UBE2E2: variants seen among roughly 807,000 people sequenced by gnomAD.
UBE2E2 encodes the protein ubiquitin-conjugating enzyme E2 E2.
In UBE2E2, 6 loss-of-function variants were observed where a neutral mutation model predicts 24.7. The ratio of observed to expected loss-of-function variants is 0.24; its 90% CI spans 0.13 to 0.48. UBE2E2 has a LOEUF of 0.48. UBE2E2 is among the 20% of genes least tolerant of loss of function. UBE2E2 has a pLI of 0.99. For synonymous variants in UBE2E2, 104 were observed against 83.6 expected (o/e 1.24, Z -1.33); for missense variants, 169 against 245.0 (o/e 0.69, Z 2.07).
chr3:23,221,456 C>T (rs1052867616), intron 3 of UBE2E2, among the ~76,000 whole-genome samples: 6 of 152,124 alleles, frequency 3.9e-5, no homozygotes, highest in Non-Finnish European at 8.8e-5. Flanking sequence ...CCCCATTTTC[C>T]CCCAGCTCTT....
chr3:23,546,038 C>T (rs1438591010), intron 5 of UBE2E2, among the ~76,000 whole-genome samples: 1 of 152,176 alleles, frequency 6.6e-6, no homozygotes, highest in African/African-American at 2.4e-5. Flanking sequence ...GGATAAAAAA[C>T]TATATATTGG....
intron 3 of UBE2E2, among the ~76,000 whole-genome samples, chr3:23,258,028 A>G (rs1455990014): frequency 6.6e-6 from 1 of 152,220 alleles, no homozygotes; most frequent in Non-Finnish European, 1.5e-5. Context: ...GACAATACAT[A>G]TGTAACTATG....
chr3:23,587,658 C>G (rs1696657887), intron 5 of UBE2E2, among the ~76,000 whole-genome samples: 1 of 152,170 alleles, frequency 6.6e-6, no homozygotes, highest in Non-Finnish European at 1.5e-5. Flanking sequence ...ACTTTGGCCC[C>G]TATTACTCTA....
Position 23,238,065 on chromosome 3 carries a change from G to A in UBE2E2, c.227+20753G>A, listed in dbSNP as rs145672462. On this transcript the variant is annotated intron_variant, in intron 3 of 5. Coordinates refer to ENST00000396703, the MANE Select transcript of UBE2E2 (RefSeq NM_152653.4). ...ATCCACAAGTACTCAGAACTGTGGG[G>A]ACCTGGAATAAATATGAGATATGGC... Among the ~76,000 whole-genome samples the A allele has an allele frequency of 2.3e-3, 349 of 152,208 alleles. 1 individual carries two copies. The highest frequency in any genetic ancestry group is 7.5e-3 in the African/African-American group (311 of 41,542).
chr3:23,478,618 G>C (rs538206347), intron 3 of UBE2E2, among the ~76,000 whole-genome samples: 133 of 150,304 alleles, frequency 8.8e-4, no homozygotes, highest in African/African-American at 3.1e-3. Context: ...TCCCGTAGAA[G>C]AGAAGCTGGT....
intron 4 of UBE2E2, among the ~76,000 whole-genome samples, chr3:23,531,933 G>A (rs1321311892): frequency 6.6e-6 from 1 of 151,820 alleles, no homozygotes; most frequent in Non-Finnish European, 1.5e-5. Flanking sequence ...GTGGTGGCGG[G>A]CACCTCTAAT....
intron 3 of UBE2E2, among the ~76,000 whole-genome samples, chr3:23,364,706 G>C (rs1161079522): frequency 6.6e-6 from 1 of 152,142 alleles, no homozygotes; most frequent in Non-Finnish European, 1.5e-5. Context: ...AGGAAAAGCT[G>C]GTACTATTCC....
At chr3:23,295,995 C>G (rs1194506977) in intron 3 of UBE2E2, among the ~76,000 whole-genome samples, 3 of 152,174 alleles carry the variant, frequency 2.0e-5, no homozygotes, top group Non-Finnish European at 4.4e-5. Flanking sequence ...GGCCTCTGCT[C>G]TGAATCTTGA....
chr3:23,229,089 G>C (rs776516561), intron 3 of UBE2E2, among the ~76,000 whole-genome samples: 5 of 152,148 alleles, frequency 3.3e-5, no homozygotes, highest in Non-Finnish European at 7.3e-5. Flanking sequence ...AGTCTGGCAA[G>C]AGCTCTTTCT....
intron 1 of UBE2E2, among the ~76,000 whole-genome samples, chr3:23,206,918 G>T (rs1422050522): frequency 6.6e-6 from 1 of 152,052 alleles, no homozygotes; most frequent in Non-Finnish European, 1.5e-5. Flanking sequence ...ATTTCAAGTT[G>T]TAATTTGATT....
chr3:23,284,776 C>T (rs1698572373), intron 3 of UBE2E2, among the ~76,000 whole-genome samples: 1 of 151,476 alleles, frequency 6.6e-6, no homozygotes, highest in Non-Finnish European at 1.5e-5. Flanking sequence ...ATAATCACAT[C>T]AGAGTAAATG....
At chr3:23,226,727 G>T (rs1326949166) in intron 3 of UBE2E2, among the ~76,000 whole-genome samples, 1 of 152,178 alleles carries the variant, frequency 6.6e-6, no homozygotes, top group Admixed American at 6.5e-5. Context: ...TCCCATGTGG[G>T]AGGTAAGATT....
intron 3 of UBE2E2, among the ~76,000 whole-genome samples, chr3:23,422,112 T>C (rs1221884989): frequency 6.6e-6 from 1 of 152,128 alleles, no homozygotes. Context: ...ATTTTTTTAA[T>C]TATAAATATT....
chr3:23,572,640 G>T (rs1393321973), intron 5 of UBE2E2, among the ~76,000 whole-genome samples: 1 of 152,222 alleles, frequency 6.6e-6, no homozygotes. Context: ...GCAGTATTTG[G>T]TTTTCTGTTT....
intron 3 of UBE2E2, among the ~76,000 whole-genome samples, chr3:23,254,180 A>G (rs1292809151): frequency 1.3e-5 from 2 of 152,228 alleles, no homozygotes; most frequent in Non-Finnish European, 2.9e-5. Context: ...TAAGATGAAT[A>G]ACTGGGTCCT....
chr3:23,547,991 C>T (rs1445058514), intron 5 of UBE2E2, among the ~76,000 whole-genome samples: 1 of 152,190 alleles, frequency 6.6e-6, no homozygotes, highest in Non-Finnish European at 1.5e-5. Flanking sequence ...GGAGGGAAGA[C>T]TGGAGGGAAG....
chr3:23,398,846 T>TA (rs1385462097), intron 3 of UBE2E2, among the ~76,000 whole-genome samples: 1 of 152,188 alleles, frequency 6.6e-6, no homozygotes, highest in Admixed American at 6.5e-5. Flanking sequence ...ACACAAACTT[T>TA]ATGAATCAAA....
At chr3:23,365,144 A>T (rs1168722500) in intron 3 of UBE2E2, among the ~76,000 whole-genome samples, 1 of 152,184 alleles carries the variant, frequency 6.6e-6, no homozygotes, top group Non-Finnish European at 1.5e-5. Context: ...AGAGCCACCT[A>T]TGACAAACCC....
chr3:23,394,763 C>G (rs1697034148), intron 3 of UBE2E2, among the ~76,000 whole-genome samples: 1 of 152,122 alleles, frequency 6.6e-6, no homozygotes, highest in South Asian at 2.1e-4. Context: ...GGTAAACAGC[C>G]AGGTTTTCAT....
Sources: allele counts gnomAD v4.1 joint callset (sites outside exome capture counted in the v4.1 genomes callset), GRCh38; gene constraint gnomAD v4.1.1; transcripts MANE v1.5; gene names NCBI Gene and HGNC (gene_info 2026-07-23, HGNC 2026-07-21).